Variants in ATL2 observed in about 807,000 individuals in gnomAD.
The protein encoded by ATL2 is atlastin-2.
Under a neutral mutation model 73.9 loss-of-function variants are expected in ATL2, and 31 were observed. The observed-to-expected ratio is 0.42, with a 90% CI of 0.32 to 0.57. ATL2 has a LOEUF of 0.57. Among genes scored for constraint, ATL2 ranks in the 20% least tolerant of loss-of-function variants. The pLI is 0.14. For missense variants in ATL2, 738 were observed against 702.6 expected, an observed-to-expected ratio of 1.05 and a Z score of -0.57; for synonymous variants, 291 against 237.5, an observed-to-expected ratio of 1.23 and a Z score of -2.07.
At chr2:38,307,629 A>T (rs1371275227) in intron 9 of ATL2, among the ~76,000 whole-genome samples, 1 of 152,158 alleles carries the variant, frequency 6.6e-6, no homozygotes, top group African/African-American at 2.4e-5. Flanking sequence ...GATCATATCA[A>T]GTTAAAAAGC....
intron 1 of ATL2, among the ~76,000 whole-genome samples, chr2:38,374,337 T>C (rs1460778839): frequency 1.3e-5 from 2 of 150,126 alleles, no homozygotes; most frequent in African/African-American, 5.1e-5. Flanking sequence ...CACATCTACA[T>C]TCCTTAAAGT....
chr2:38,330,302 A>G lies in ATL2; in HGVS notation c.364-11283T>C, dbSNP rs77706206. ...ATCTACAAAAAATCCTACAGCTAAC[A>G]TAGTAGTGAGAAACTAGGTGCTTTC... is the stretch of plus-strand genomic sequence containing the variant. On this transcript the variant is annotated intron_variant, in intron 2 of 12. Transcript: ENST00000378954. Among the ~76,000 whole-genome samples, 1,032 of 152,150 alleles carry G rather than the reference A, an allele frequency of 6.8e-3. 13 individuals carry two copies. Among genetic ancestry groups the G allele is most frequent in the East Asian group, 0.056 (292 of 5,186 alleles).
chr2:38,365,466 G>A (rs1414232504), intron 1 of ATL2, among the ~76,000 whole-genome samples: 1 of 152,018 alleles, frequency 6.6e-6, no homozygotes, highest in African/African-American at 2.4e-5. Flanking sequence ...GCCAGCCTTG[G>A]CAACATGGTG....
In ATL2 at chr2:38,318,925, C is replaced by T; in HGVS notation, c.458G>A (p.Trp153Ter). 2 of 1,614,000 alleles carry T rather than the reference C, an allele frequency of 1.2e-6. No individual in the cohort carries two copies. The highest frequency in any genetic ancestry group is 1.7e-6 in the Non-Finnish European group (2 of 1,179,974). The change falls in exon 3 of 13, where the codon TGG becomes TAG. Residue 153 changes from tryptophan (W) to a stop codon, truncating the protein, a stop_gained. Transcript: ENST00000378954. LOFTEE classifies it high-confidence loss of function. The stretch of plus-strand genomic sequence containing the variant: ...TCTGTCAATCACAAATACTTCATTC[C>T]AAACTTGTATGCCTGTTGTTTCTCT... ...CERETTGIQV[W>*]NEVFVIDRPN... is the part of the protein sequence containing the mutation.
chr2:38,329,423 C>CAAAAAAAAAAAAAAAAAAAAAAAAA (rs70954711), intron 2 of ATL2, among the ~76,000 whole-genome samples: 2 of 13,672 alleles, frequency 1.5e-4, no homozygotes, highest in African/African-American at 2.3e-4. Flanking sequence ...ACTCCATCTC[C>CAAAAAAAAAAAAAAAAAAAAAAAAA]AAAAAAAAAA....
intron 9 of ATL2, among the ~76,000 whole-genome samples, chr2:38,305,254 C>G (rs945039877): frequency 6.6e-6 from 1 of 152,160 alleles, no homozygotes; most frequent in Admixed American, 6.5e-5. Context: ...GAGGACCGGG[C>G]GCAGTGGCTC....
chr2:38,355,478 A>G (rs564170665), intron 1 of ATL2, among the ~76,000 whole-genome samples: 1 of 152,260 alleles, frequency 6.6e-6, no homozygotes, highest in Non-Finnish European at 1.5e-5. Context: ...TAAAGTTTCA[A>G]AGTAAAAGGG....
chr2:38,311,097 C>A (rs1217006052), intron 7 of ATL2, among the ~76,000 whole-genome samples: 1 of 150,706 alleles, frequency 6.6e-6, no homozygotes, highest in Non-Finnish European at 1.5e-5. Flanking sequence ...AAAGTACTTA[C>A]AACAGCAACA....
intron 4 of ATL2, among the ~76,000 whole-genome samples, chr2:38,316,358 A>C (rs975741933): frequency 6.6e-6 from 1 of 152,206 alleles, no homozygotes; most frequent in Non-Finnish European, 1.5e-5. Context: ...CTTTTAGAAA[A>C]TAGGTCTGGA....
intron 1 of ATL2, among the ~76,000 whole-genome samples, chr2:38,373,012 C>T (rs1671770266): frequency 1.3e-5 from 2 of 148,276 alleles, no homozygotes; most frequent in African/African-American, 5.3e-5. Flanking sequence ...TACATTCTTA[C>T]ATATATGTTA....
At chr2:38,310,196 A>G in intron 8 of ATL2, 113 bp downstream of exon 8, 1 of 1,228,172 alleles carries the variant, frequency 8.1e-7, no homozygotes. Context: ...TGAACAATGC[A>G]TCCAAACATT....
chr2:38,366,679 CTT>C (rs1260205671), intron 1 of ATL2, among the ~76,000 whole-genome samples: 1 of 152,186 alleles, frequency 6.6e-6, no homozygotes, highest in African/African-American at 2.4e-5. Context: ...TAACGATAAA[CTT>C]AACTCACAAA....
At chr2:38,301,444 G>A (rs1573426709) in intron 9 of ATL2, among the ~76,000 whole-genome samples, 1 of 152,198 alleles carries the variant, frequency 6.6e-6, no homozygotes. Flanking sequence ...ACAGTACCTG[G>A]TTTTAACTTC....
intron 2 of ATL2, among the ~76,000 whole-genome samples, chr2:38,333,748 T>C (rs891197897): frequency 1.3e-5 from 2 of 152,198 alleles, no homozygotes; most frequent in Admixed American, 1.3e-4. Context: ...GACAGAGTAT[T>C]TTCAGGCAAC....
chr2:38,305,267 G>C (rs767038191), intron 9 of ATL2, among the ~76,000 whole-genome samples: 2 of 152,248 alleles, frequency 1.3e-5, no homozygotes, highest in Non-Finnish European at 2.9e-5. Flanking sequence ...AGTGGCTCAT[G>C]CCTGTAATCC....
intron 7 of ATL2, among the ~76,000 whole-genome samples, chr2:38,312,273 G>C (rs992492948): frequency 6.6e-6 from 1 of 152,192 alleles, no homozygotes; most frequent in East Asian, 1.9e-4. Context: ...TGTGTCGGGG[G>C]AGGGGCCTGG....
Position 38,334,712 on chromosome 2 carries a change from A to G in ATL2, c.363+8556T>C, listed in dbSNP as rs1181099497. Among the ~76,000 whole-genome samples the G allele has an allele frequency of 2.6e-5, 4 of 151,046 alleles. 1 individual carries two copies. In the South Asian group the frequency reaches 6.2e-4, roughly 24 times the overall value. On this transcript the variant is annotated intron_variant, in intron 2 of 12. Coordinates refer to ENST00000378954, the MANE Select transcript of ATL2 (RefSeq NM_001135673.4). ...AAACTCCGTCTCAAACAAACAAACA[A>G]ACAAAAAAATCTGGTCAAAGTTTGC...
At chr2:38,343,628 G>C in intron 1 of ATL2, 116 bp from the exon 2 acceptor site, 3 of 873,542 alleles carry the variant, frequency 3.4e-6, no homozygotes, top group East Asian at 2.6e-5. Context: ...CCCCATTATA[G>C]ATCATTATAA....
At chr2:38,335,780 G>A (rs1240646817) in intron 2 of ATL2, among the ~76,000 whole-genome samples, 2 of 152,230 alleles carry the variant, frequency 1.3e-5, no homozygotes, top group East Asian at 3.9e-4. Flanking sequence ...GGTGGCTCAC[G>A]CCTGTAATCC....
Sources: allele counts gnomAD v4.1 joint callset (sites outside exome capture counted in the v4.1 genomes callset), GRCh38; gene constraint gnomAD v4.1.1; transcripts MANE v1.5; gene names NCBI Gene and HGNC (gene_info 2026-07-23, HGNC 2026-07-21).